CADM1: variants seen among roughly 807,000 people sequenced by gnomAD.
CADM1 encodes cell adhesion molecule 1, also known as TSLC-1.
Under a neutral mutation model 53.1 loss-of-function variants are expected in CADM1, and 15 were observed. The ratio of observed to expected loss-of-function variants is 0.28; its 90% CI spans 0.19 to 0.44. CADM1 has a LOEUF of 0.44. Ranked by LOEUF, CADM1 falls within the 20% of genes least tolerant of loss-of-function variation. The pLI, the probability that CADM1 is intolerant of heterozygous loss-of-function variation, is 1.00. For missense variants in CADM1, 434 were observed against 611.3 expected (o/e 0.71, Z 3.06); for synonymous variants, 281 against 243.0 (o/e 1.16, Z -1.45).
chr11:115,394,767 T>G (rs1390971591), intron 1 of CADM1, among the ~76,000 whole-genome samples: 1 of 152,306 alleles, frequency 6.6e-6, no homozygotes, highest in Admixed American at 6.5e-5. Context: ...CTCTGTTGAT[T>G]TCCCTACGAG....
At chr11:115,339,892 T>G (rs889203115) in intron 1 of CADM1, 1 of 152,030 alleles carries the variant, frequency 6.6e-6, no homozygotes, top group Non-Finnish European at 1.5e-5. Context: ...CTGAGATTCA[T>G]AGTATTTTAG....
At chr11:115,425,120 GA>G (rs1947858209) in intron 1 of CADM1, among the ~76,000 whole-genome samples, 1 of 152,132 alleles carries the variant, frequency 6.6e-6, no homozygotes, top group Admixed American at 6.6e-5. Context: ...TATTATAGAT[GA>G]AACGATAAAT....
chr11:115,198,814 C>T (rs1424035248), intron 8 of CADM1, among the ~76,000 whole-genome samples: 1 of 152,194 alleles, frequency 6.6e-6, no homozygotes, highest in East Asian at 1.9e-4. Context: ...GACAGAAAAG[C>T]TCAGTCGAAA....
chr11:115,422,839 T>C (rs1220567676), intron 1 of CADM1, among the ~76,000 whole-genome samples: 1 of 152,192 alleles, frequency 6.6e-6, no homozygotes, highest in African/African-American at 2.4e-5. Flanking sequence ...TATGATTTTA[T>C]TGAAACTGTA....
At chr11:115,183,709 A>G (rs1939417475) in intron 10 of CADM1, among the ~76,000 whole-genome samples, 1 of 152,214 alleles carries the variant, frequency 6.6e-6, no homozygotes, top group African/African-American at 2.4e-5. Flanking sequence ...TCACATCTCA[A>G]ACATCCCTGG....
intron 1 of CADM1, among the ~76,000 whole-genome samples, chr11:115,353,856 A>G (rs1298404599): frequency 6.6e-6 from 1 of 152,162 alleles, no homozygotes; most frequent in Non-Finnish European, 1.5e-5. Flanking sequence ...CCCAATTCCT[A>G]ACAATCAGGA....
intron 1 of CADM1, among the ~76,000 whole-genome samples, chr11:115,263,895 C>T (rs1343934119): frequency 2.0e-5 from 3 of 152,070 alleles, no homozygotes; most frequent in African/African-American, 4.8e-5. Flanking sequence ...ATAAGAACAA[C>T]GATAGCAAAA....
At chr11:115,230,208 T>A (rs2134849425) in intron 4 of CADM1, among the ~76,000 whole-genome samples, 1 of 152,292 alleles carries the variant, frequency 6.6e-6, no homozygotes, top group Non-Finnish European at 1.5e-5. Flanking sequence ...TATATATAGA[T>A]TTATCTGCTT....
At chr11:115,453,379 A>G (rs975430379) in intron 1 of CADM1, among the ~76,000 whole-genome samples, 3 of 134,298 alleles carry the variant, frequency 2.2e-5, no homozygotes, top group South Asian at 2.2e-4. Context: ...CTCGCCCCCA[A>G]AAAAAACCAA....
chr11:115,387,767 C>T (rs1465608678), intron 1 of CADM1, among the ~76,000 whole-genome samples: 1 of 152,046 alleles, frequency 6.6e-6, no homozygotes, highest in Non-Finnish European at 1.5e-5. Flanking sequence ...AAAATATGTG[C>T]TTGTGTATGC....
chr11:115,289,408 T>C (rs368006506), intron 1 of CADM1, among the ~76,000 whole-genome samples: 18 of 151,784 alleles, frequency 1.2e-4, no homozygotes, highest in African/African-American at 4.1e-4. Flanking sequence ...ATTTACAGAT[T>C]TTCCTCTGTA....
intron 1 of CADM1, among the ~76,000 whole-genome samples, chr11:115,425,041 G>A (rs1048032076): frequency 2.0e-5 from 3 of 152,096 alleles, no homozygotes; most frequent in African/African-American, 7.2e-5. Flanking sequence ...AGAAGACTGT[G>A]GTTAGAATTC....
chr11:115,365,385 G>A (rs1222308199), intron 1 of CADM1, among the ~76,000 whole-genome samples: 3 of 152,048 alleles, frequency 2.0e-5, no homozygotes, highest in Non-Finnish European at 2.9e-5. Context: ...AAAAATCTAG[G>A]AGGATTCTGC....
rs1053951140 is a variant in CADM1 at position 115,171,675 on chromosome 11, G to C, written c.*4799C>G. On this transcript the variant is annotated 3_prime_UTR_variant, in exon 12 of 12. Coordinates refer to ENST00000331581, the MANE Select transcript of CADM1 (RefSeq NM_001301043.2). The stretch of plus-strand genomic sequence containing the variant: ...AAATGTACAGCAGTCACCACCTCCT[G>C]TCTGCCTCAGCTCAAGGAACTTCTG... 6.6e-6 allele frequency: 1 copy of C among 152,216 alleles called. No homozygotes were observed. Among genetic ancestry groups the C allele is most frequent in the Non-Finnish European group, 1.5e-5 (1 of 68,066 alleles). The allele number at this position is 152,216 out of a possible 1,614,324, so 9.4% of individuals were successfully genotyped here.
intron 1 of CADM1, among the ~76,000 whole-genome samples, chr11:115,274,620 A>C (rs188971049): frequency 6.6e-6 from 1 of 152,342 alleles, no homozygotes; most frequent in Non-Finnish European, 1.5e-5. Flanking sequence ...CAACAACGAA[A>C]ACTGGGAGAA....
intron 1 of CADM1, among the ~76,000 whole-genome samples, chr11:115,390,759 A>C (rs781271466): frequency 5.3e-5 from 8 of 152,186 alleles, no homozygotes; most frequent in Middle Eastern, 3.4e-3. Flanking sequence ...TAGATTAAAC[A>C]ATTATTACAG....
In CADM1 at chr11:115,270,719, C is replaced by A. The variant is rs549063840; in HGVS notation, c.125-30299G>T. ...CTGTACATATTCCCAACTCTCACCC[C>A]CACTCCCAATAAAAACGTTGGTATG... is the stretch of plus-strand genomic sequence containing the variant. On this transcript the variant is annotated intron_variant, in intron 1 of 11. Coordinates refer to ENST00000331581, the MANE Select transcript of CADM1 (RefSeq NM_001301043.2). Among the ~76,000 whole-genome samples the A allele has an allele frequency of 3.9e-5, 6 of 152,298 alleles. No individual in the cohort carries two copies. In the South Asian group the frequency reaches 1.0e-3, roughly 26 times the overall value.
chr11:115,354,607 G>A (rs1194845638), intron 1 of CADM1, among the ~76,000 whole-genome samples: 1 of 152,156 alleles, frequency 6.6e-6, no homozygotes, highest in African/African-American at 2.4e-5. Flanking sequence ...TCCTTTCTTT[G>A]AAGGGATTTA....
At chr11:115,305,785 T>C (rs1944349045) in intron 1 of CADM1, among the ~76,000 whole-genome samples, 1 of 151,138 alleles carries the variant, frequency 6.6e-6, no homozygotes, top group Admixed American at 6.6e-5. Context: ...GTGACTCATG[T>C]TAGAGCTAGA....
Sources: gnomAD v4.1 joint callset for allele counts (sites outside exome capture counted in the v4.1 genomes callset) on GRCh38, gnomAD v4.1.1 for gene constraint, MANE v1.5 for transcripts, NCBI Gene and HGNC (gene_info 2026-07-23, HGNC 2026-07-21) for gene names.